The following PCDHA6 variants were observed in gnomAD, a reference collection of about 807,000 sequenced individuals.
PCDHA6 encodes the protein protocadherin alpha-6.
In PCDHA6, 55 loss-of-function variants were observed where a neutral mutation model predicts 60.3. That is an observed-to-expected ratio of 0.91 (90% CI 0.73 to 1.14). The LOEUF (loss-of-function observed/expected upper bound fraction) is 1.14. Among genes scored for constraint, PCDHA6 ranks in the 50% most tolerant of loss-of-function variants. The probability of loss-of-function intolerance (pLI) is 0.00; values close to 1 mark genes in which losing one functional copy is unlikely to be tolerated. For synonymous variants in PCDHA6, 652 were observed against 557.9 expected, an observed-to-expected ratio of 1.17 and a Z score of -2.38; for missense variants, 1,327 against 1,256.5, an observed-to-expected ratio of 1.06 and a Z score of -0.85.
At chr5:140,876,165 C>G in intron 1 of PCDHA6, 17 of 1,613,944 alleles carry the variant, frequency 1.1e-5, no homozygotes, top group Non-Finnish European at 1.4e-5. Flanking sequence ...TTCAAATAAC[C>G]GTCCTGGATG....
At chr5:140,929,545 A>T in intron 1 of PCDHA6, 1 of 514,856 alleles carries the variant, frequency 1.9e-6, no homozygotes, top group Non-Finnish European at 3.2e-6. Context: ...ACAAGGGCAA[A>T]AATTAAAACC....
chr5:140,937,195 G>A lies in PCDHA6; in HGVS notation c.2395-41754G>A, dbSNP rs371063672. On this transcript the variant is annotated intron_variant, in intron 1 of 3. Coordinates refer to ENST00000529310, the MANE Select transcript of PCDHA6 (RefSeq NM_018909.4). ...TGGGACTACAGGCGCCCGCCACCAT[G>A]CCCGGCTAATTTTTTGTATTTTTTG... Among the ~76,000 whole-genome samples the A allele has an allele frequency of 1.5e-3, 231 of 151,994 alleles. 5 individuals are homozygous for A. The South Asian group carries it at 0.033, about 22-fold the overall frequency.
At chr5:140,966,809 C>T (rs1335148442) in intron 1 of PCDHA6, 5 of 1,547,376 alleles carry the variant, frequency 3.2e-6, no homozygotes, top group African/African-American at 1.4e-5. Flanking sequence ...AGAGCATCCA[C>T]GGCTCCGGCG....
chr5:140,909,210 G>A (rs2074375008), intron 1 of PCDHA6, among the ~76,000 whole-genome samples: 1 of 152,186 alleles, frequency 6.6e-6, no homozygotes, highest in Non-Finnish European at 1.5e-5. Context: ...CCGGAGAGTT[G>A]ATATACCCCT....
intron 1 of PCDHA6, chr5:140,927,041 T>C: frequency 6.2e-7 from 1 of 1,612,456 alleles, no homozygotes; most frequent in South Asian, 1.1e-5. Flanking sequence ...GCGGCCGCTA[T>C]GTCCTCGCGG....
rs983313958 is a variant in PCDHA6 at position 140,856,486 on chromosome 5, G to A, written c.2394+26001G>A. The A allele has an allele frequency of 4.4e-6, 7 of 1,598,346 alleles. No homozygotes were observed. The Middle Eastern group carries it at 1.0e-3, about 228-fold the overall frequency. On this transcript the variant is annotated intron_variant, in intron 1 of 3. Transcript: ENST00000529310. ...AGCTCTCAATACCTGAATCCAGACTGCTTGACTCTCGATTTCCACTAGAAG... is the reference window on the plus strand; with the variant it reads ...AGCTCTCAATACCTGAATCCAGACTACTTGACTCTCGATTTCCACTAGAAG...
chr5:141,007,551 GA>G (rs1554261384), intron 3 of PCDHA6, among the ~76,000 whole-genome samples: 1 of 152,140 alleles, frequency 6.6e-6, no homozygotes, highest in African/African-American at 2.4e-5. Flanking sequence ...TTGGGCAACA[GA>G]GCAAGGCTCT....
intron 1 of PCDHA6, chr5:140,926,758 G>C: frequency 2.3e-6 from 3 of 1,302,056 alleles, no homozygotes; most frequent in Non-Finnish European, 3.0e-6. Flanking sequence ...CGGTCGCTGA[G>C]TATCCAGCCC....
At chr5:140,862,901 C>CA in intron 1 of PCDHA6, 2 of 551,296 alleles carry the variant, frequency 3.6e-6, no homozygotes, top group Non-Finnish European at 3.5e-6. Context: ...ACTTTGTCTG[C>CA]GCTGCTGGCG....
At chr5:140,979,179 G>T in intron 2 of PCDHA6, 172 bp downstream of exon 2, 1 of 936,772 alleles carries the variant, frequency 1.1e-6, no homozygotes, top group Middle Eastern at 5.5e-4. Flanking sequence ...ATCGCAAATG[G>T]TCAGTGCCAG....
chr5:140,957,169 A>T (rs868935808), intron 1 of PCDHA6, among the ~76,000 whole-genome samples: 16 of 152,164 alleles, frequency 1.1e-4, no homozygotes, highest in African/African-American at 3.9e-4. Flanking sequence ...CTAAGTATAT[A>T]AATTGGTTTA....
intron 1 of PCDHA6, chr5:140,927,653 G>A: frequency 6.2e-7 from 1 of 1,614,190 alleles, no homozygotes; most frequent in Non-Finnish European, 8.5e-7. Context: ...GTGTTATTCC[G>A]AGTTCAAGCC....
At chr5:140,876,568 G>C (rs1302204057) in intron 1 of PCDHA6, 2 of 1,614,046 alleles carry the variant, frequency 1.2e-6, no homozygotes, top group African/African-American at 1.3e-5. Context: ...TGCTCAGGTG[G>C]GTACCGTCAT....
chr5:140,829,894 A>G lies in PCDHA6; in HGVS notation c.1803A>G (p.Ser601=), dbSNP rs201316180. The G allele has an allele frequency of 1.1e-4, 179 of 1,613,954 alleles. No homozygotes were observed. In the East Asian group the frequency reaches 2.9e-3, roughly 27 times the overall value. The change falls in exon 1 of 4, where the codon TCA becomes TCG. Residue 601 remains serine, a synonymous_variant. Transcript: ENST00000529310. ...VAKVRAVDAD[S]GYNAWLSYEL... ...AGGTGCGCGCAGTTGACGCCGACTC[A>G]GGCTACAACGCGTGGCTTTCGTATG... is the stretch of plus-strand genomic sequence containing the variant.
At chr5:140,902,594 A>G (rs1208012043) in intron 1 of PCDHA6, among the ~76,000 whole-genome samples, 1 of 152,112 alleles carries the variant, frequency 6.6e-6, no homozygotes, top group Non-Finnish European at 1.5e-5. Context: ...TTTGGGAAAC[A>G]GGTCGTTTTC....
rs115903226 is a variant in PCDHA6 at position 140,929,361 on chromosome 5, C to A, written c.2395-49588C>A. 4,899 of 1,519,562 alleles carry A rather than the reference C, an allele frequency of 3.2e-3. 25 individuals carry two copies. The highest frequency in any genetic ancestry group is 0.019 in the African/African-American group (1,394 of 71,916). 94.1% of individuals were successfully genotyped at this position (1,519,562 alleles called of 1,614,324 possible). On this transcript the variant is annotated intron_variant, in intron 1 of 3. Coordinates refer to ENST00000529310, the MANE Select transcript of PCDHA6 (RefSeq NM_018909.4). ...TTTATGGAATTTGATTCCTTTGGCC[C>A]GGAGATGGCTGCTAGCTGTGTTTTG...
At chr5:140,866,951 G>C (rs1207354253) in intron 1 of PCDHA6, 1 of 152,106 alleles carries the variant, frequency 6.6e-6, no homozygotes, top group African/African-American at 2.4e-5. Flanking sequence ...CTAGGGGCTG[G>C]TTGAGATGGT....
Position 140,927,881 on chromosome 5 carries a change from T to C in PCDHA6, c.2395-51068T>C, listed in dbSNP as rs781982234. 10 of 1,613,978 alleles carry C rather than the reference T, an allele frequency of 6.2e-6. No homozygotes were observed. Among genetic ancestry groups the C allele is most frequent in the Non-Finnish European group, 8.5e-6 (10 of 1,180,010 alleles). Reference sequence around the variant, plus strand: ...AGCACCGCTAAACTGCTGGTGGAGGTGACTGACGTGAACGATCATGCCCCC... The same window carrying C: ...AGCACCGCTAAACTGCTGGTGGAGGCGACTGACGTGAACGATCATGCCCCC... On this transcript the variant is annotated intron_variant, in intron 1 of 3. Coordinates refer to ENST00000529310, the MANE Select transcript of PCDHA6 (RefSeq NM_018909.4).
intron 1 of PCDHA6, chr5:140,835,364 C>T: frequency 6.2e-7 from 1 of 1,613,892 alleles, no homozygotes; most frequent in Non-Finnish European, 8.5e-7. Flanking sequence ...ATAAAGGCTT[C>T]CCACCCCTGG....
Sources: gnomAD v4.1 joint callset for allele counts (sites outside exome capture counted in the v4.1 genomes callset) on GRCh38, gnomAD v4.1.1 for gene constraint, MANE v1.5 for transcripts, NCBI Gene and HGNC (gene_info 2026-07-23, HGNC 2026-07-21) for gene names.